TRIM9: variants seen among roughly 807,000 people sequenced by gnomAD.
TRIM9 encodes tripartite motif containing 9, also known as E3 ubiquitin-protein ligase TRIM9.
In TRIM9, 26 loss-of-function variants were observed where a neutral mutation model predicts 78.3. That is an observed-to-expected ratio of 0.33 (90% CI 0.24 to 0.46). The LOEUF (loss-of-function observed/expected upper bound fraction) is 0.46. TRIM9 is among the 20% of genes least tolerant of loss of function. The probability of loss-of-function intolerance (pLI) is 1.00; values close to 1 mark genes in which losing one functional copy is unlikely to be tolerated. For missense variants in TRIM9, 787 were observed against 1,036.4 expected (o/e 0.76, Z 3.30); for synonymous variants, 398 against 416.5 (o/e 0.96, Z 0.54).
At chr14:51,072,858 T>G (rs552824244) in intron 1 of TRIM9, among the ~76,000 whole-genome samples, 1 of 152,210 alleles carries the variant, frequency 6.6e-6, no homozygotes, top group Non-Finnish European at 1.5e-5. Context: ...ATGTACCGTG[T>G]AGGAGATGAT....
At chr14:50,987,521 C>A (rs2052875181) in intron 7 of TRIM9, among the ~76,000 whole-genome samples, 2 of 152,158 alleles carry the variant, frequency 1.3e-5, no homozygotes, top group Non-Finnish European at 2.9e-5. Flanking sequence ...TTTATGGAGT[C>A]AAGACTTTGT....
rs1368299941 is a variant in TRIM9, at chr14:51,052,647, G to A, written c.823-27287C>T. 3.3e-5 allele frequency among the ~76,000 whole-genome samples: 5 copies of A among 152,102 alleles called. No homozygotes were observed. The East Asian group carries it at 5.8e-4, about 18-fold the overall frequency. ...TAGGAATTCTGATGCAGGCAGAGGC[G>A]GCCAAAATTCTATAACATTCAGTTT... On this transcript the variant is annotated intron_variant, in intron 1 of 12. Transcript: ENST00000684578.
chr14:50,980,397 C>T (rs1596083726), intron 11 of TRIM9, among the ~76,000 whole-genome samples: 3 of 152,152 alleles, frequency 2.0e-5, no homozygotes, highest in South Asian at 2.1e-4. Flanking sequence ...TATTGAACTT[C>T]GTCCTCATCT....
chr14:51,073,346 C>T (rs1349698634), intron 1 of TRIM9, among the ~76,000 whole-genome samples: 1 of 152,154 alleles, frequency 6.6e-6, no homozygotes, highest in African/African-American at 2.4e-5. Context: ...AAGACAGGTG[C>T]TATAATGTTT....
chr14:51,081,348 A>G (rs1008305772), intron 1 of TRIM9, among the ~76,000 whole-genome samples: 2 of 152,196 alleles, frequency 1.3e-5, no homozygotes, highest in Non-Finnish European at 2.9e-5. Context: ...GACGATTACA[A>G]GTGTTAGTGA....
At chr14:51,093,812 C>T (rs1343985672) in intron 1 of TRIM9, among the ~76,000 whole-genome samples, 1 of 152,228 alleles carries the variant, frequency 6.6e-6, no homozygotes, top group African/African-American at 2.4e-5. Flanking sequence ...ACACTGGCCG[C>T]GGCCACTGGC....
intron 1 of TRIM9, among the ~76,000 whole-genome samples, chr14:51,030,350 T>A (rs2058620911): frequency 6.6e-6 from 1 of 152,214 alleles, no homozygotes; most frequent in Admixed American, 6.5e-5. Flanking sequence ...ATGGATCCCT[T>A]CTCCGGTTTC....
chr14:50,997,106 G>A (rs1397279192), intron 7 of TRIM9: 7 of 985,194 alleles, frequency 7.1e-6, no homozygotes, highest in East Asian at 1.1e-4. Flanking sequence ...GTGAGGTGGG[G>A]GGGTGATTTC....
At chr14:51,054,631 GTGCAGTGGCGCGAC>G (rs1057038713) in intron 1 of TRIM9, among the ~76,000 whole-genome samples, 28 of 151,788 alleles carry the variant, frequency 1.8e-4, no homozygotes, top group Non-Finnish European at 3.2e-4. Context: ...CCAAGTTGGA[GTGCAGTGGCGCGAC>G]TCACTGCAAG....
chr14:50,980,191 A>T (rs2051671301), intron 11 of TRIM9, among the ~76,000 whole-genome samples: 2 of 152,204 alleles, frequency 1.3e-5, no homozygotes, highest in Admixed American at 1.3e-4. Flanking sequence ...TGTCTGTGAA[A>T]TGACAGCACT....
intron 1 of TRIM9, among the ~76,000 whole-genome samples, chr14:51,066,080 GGAAGGAA>G (rs2061706352): frequency 3.8e-5 from 5 of 131,242 alleles, no homozygotes; most frequent in East Asian, 4.7e-4. Flanking sequence ...AAGGAAGGAA[GGAAGGAA>G]GGAGGGAGGG....
chr14:50,997,891 T>C, intron 7 of TRIM9, 159 bp downstream of exon 7: 2 of 1,465,246 alleles, frequency 1.4e-6, no homozygotes, highest in Non-Finnish European at 1.8e-6. Context: ...CCATAGGCTC[T>C]CTAAAGGCAG....
chr14:51,046,895 A>T (rs1012924760), intron 1 of TRIM9, among the ~76,000 whole-genome samples: 1 of 152,240 alleles, frequency 6.6e-6, no homozygotes, highest in African/African-American at 2.4e-5. Context: ...ATGCCAGGAA[A>T]ACCGTTGGCT....
chr14:51,035,987 C>G (rs547628284), intron 1 of TRIM9, among the ~76,000 whole-genome samples: 1 of 152,206 alleles, frequency 6.6e-6, no homozygotes, highest in Admixed American at 6.5e-5. Flanking sequence ...TAGTTTCACG[C>G]CTTCAATCAC....
chr14:51,013,828 C>G (rs931401373), intron 3 of TRIM9, among the ~76,000 whole-genome samples: 3 of 152,142 alleles, frequency 2.0e-5, no homozygotes, highest in African/African-American at 7.2e-5. Flanking sequence ...GAAAACCCCA[C>G]AAGTAAAACA....
intron 1 of TRIM9, among the ~76,000 whole-genome samples, chr14:51,071,375 TA>T (rs1175081728): frequency 2.3e-3 from 112 of 48,504 alleles, no homozygotes; most frequent in African/African-American, 7.1e-3. Flanking sequence ...AAACTCCGTC[TA>T]AAAAAAAAAA....
chr14:51,065,144 T>C (rs941836459), intron 1 of TRIM9, among the ~76,000 whole-genome samples: 2 of 152,182 alleles, frequency 1.3e-5, no homozygotes, highest in African/African-American at 4.8e-5. Context: ...GTAGGATCCA[T>C]AAATTTAGGG....
chr14:50,982,362 GA>G (rs946554250), intron 10 of TRIM9: 1 of 530,098 alleles, frequency 1.9e-6, no homozygotes, highest in Non-Finnish European at 3.4e-6. Context: ...ATCCGGGAGT[GA>G]AGTGGCATCG....
intron 7 of TRIM9, among the ~76,000 whole-genome samples, chr14:50,993,746 T>C (rs2053840041): frequency 6.6e-6 from 1 of 152,196 alleles, no homozygotes; most frequent in South Asian, 2.1e-4. Context: ...TGGATAGTTT[T>C]CCCTCTCTTT....
Sources: allele counts gnomAD v4.1 joint callset (sites outside exome capture counted in the v4.1 genomes callset), GRCh38; gene constraint gnomAD v4.1.1; transcripts MANE v1.5; gene names NCBI Gene and HGNC (gene_info 2026-07-23, HGNC 2026-07-21).